The following MAGI2 variants were observed in gnomAD, a reference collection of about 807,000 sequenced individuals.
MAGI2 encodes membrane-associated guanylate kinase, WW and PDZ domain-containing protein 2.
A neutral mutation model predicts 133.3 loss-of-function variants in MAGI2; 35 were observed. That is an observed-to-expected ratio of 0.26 (90% CI 0.20 to 0.35). The LOEUF (loss-of-function observed/expected upper bound fraction) is 0.35. MAGI2 is among the 10% of genes least tolerant of loss of function. The pLI is 1.00. For synonymous variants in MAGI2, 729 were observed against 710.6 expected, an observed-to-expected ratio of 1.03 and a Z score of -0.41; for missense variants, 1,636 against 1,863.4, an observed-to-expected ratio of 0.88 and a Z score of 2.25.
chr7:79,024,617 G>T (rs547694541), intron 1 of MAGI2, among the ~76,000 whole-genome samples: 3 of 152,054 alleles, frequency 2.0e-5, no homozygotes, highest in Non-Finnish European at 4.4e-5. Flanking sequence ...ACCAACAAAA[G>T]TCTCATATCC....
intron 2 of MAGI2, among the ~76,000 whole-genome samples, chr7:78,983,406 C>T (rs972177357): frequency 2.0e-5 from 3 of 151,856 alleles, no homozygotes; most frequent in Non-Finnish European, 4.4e-5. Context: ...TTACTTCCTC[C>T]ATGTAAATCC....
intron 1 of MAGI2, among the ~76,000 whole-genome samples, chr7:79,117,521 G>A (rs1270868903): frequency 6.6e-6 from 1 of 151,940 alleles, no homozygotes; most frequent in African/African-American, 2.4e-5. Context: ...TTCATTTTTG[G>A]TATTTATTTC....
chr7:78,196,370 A>G (rs1319150733), intron 11 of MAGI2, among the ~76,000 whole-genome samples: 1 of 152,102 alleles, frequency 6.6e-6, no homozygotes, highest in Non-Finnish European at 1.5e-5. Flanking sequence ...TACTTGTTGT[A>G]TTACCAGTGC....
rs553489053 is a variant in MAGI2, at chr7:78,409,885, T to C, written c.1046-40672A>G. Among the ~76,000 whole-genome samples, 3 of 152,102 alleles carry C rather than the reference T, an allele frequency of 2.0e-5. No individual in the cohort carries two copies. In the South Asian group the frequency reaches 6.2e-4, roughly 31 times the overall value. The stretch of plus-strand genomic sequence containing the variant: ...AAATTTGTTATTCAATTAAACTCTT[T>C]TTCTGTCATATTAACAGGAAAATAA... On this transcript the variant is annotated intron_variant, in intron 6 of 21. Coordinates refer to ENST00000354212, the MANE Select transcript of MAGI2 (RefSeq NM_012301.4).
intron 1 of MAGI2, among the ~76,000 whole-genome samples, chr7:79,200,414 G>A (rs551528760): frequency 1.3e-4 from 19 of 150,564 alleles, no homozygotes; most frequent in African/African-American, 4.4e-4. Context: ...ACCAGCCTGG[G>A]CAACATGGCG....
intron 2 of MAGI2, among the ~76,000 whole-genome samples, chr7:78,920,812 A>C (rs1030349101): frequency 1.3e-5 from 2 of 152,170 alleles, no homozygotes; most frequent in Non-Finnish European, 2.9e-5. Context: ...GACGAACCAC[A>C]CCTGATCTAC....
chr7:79,198,340 T>C (rs1252891662), intron 1 of MAGI2, among the ~76,000 whole-genome samples: 5 of 151,714 alleles, frequency 3.3e-5, no homozygotes, highest in African/African-American at 2.4e-5. Flanking sequence ...TTTGCACAGG[T>C]TCCCTCTCCT....
intron 2 of MAGI2, among the ~76,000 whole-genome samples, chr7:78,912,542 A>T (rs1183908103): frequency 6.6e-6 from 1 of 151,764 alleles, no homozygotes; most frequent in African/African-American, 2.4e-5. Context: ...GAAAAGAGAG[A>T]TTGGCTTAGC....
At chr7:78,037,596 T>G (rs1476339802) in intron 21 of MAGI2, among the ~76,000 whole-genome samples, 1 of 152,226 alleles carries the variant, frequency 6.6e-6, no homozygotes, top group African/African-American at 2.4e-5. Context: ...ATAAGTTTTT[T>G]CATTGGAGCC....
chr7:78,901,457 A>C (rs1797615184), intron 2 of MAGI2: 1 of 152,208 alleles, frequency 6.6e-6, no homozygotes, highest in Non-Finnish European at 1.5e-5. Context: ...ATCCAATGTT[A>C]TTATCATTAT....
intron 6 of MAGI2, among the ~76,000 whole-genome samples, chr7:78,430,112 C>T (rs773373294): frequency 1.6e-4 from 24 of 152,076 alleles, no homozygotes; most frequent in Non-Finnish European, 7.4e-5. Context: ...ATTCCATATT[C>T]AGCATTCTGG....
chr7:78,294,169 T>A (rs1047769221), intron 9 of MAGI2, among the ~76,000 whole-genome samples: 3 of 152,164 alleles, frequency 2.0e-5, no homozygotes, highest in African/African-American at 7.2e-5. Context: ...TTTTAATTTT[T>A]TAGCACTGTT....
At position 78,018,278 on chromosome 7, in the gene MAGI2, T is replaced by C. The variant is rs1584841496; in HGVS notation, c.*1037A>G. 1.3e-5 allele frequency: 2 copies of C among 152,756 alleles called. No homozygotes were observed. The highest frequency in any genetic ancestry group is 3.9e-4 in the East Asian group (2 of 5,192). 9.5% of individuals were successfully genotyped at this position (152,756 alleles called of 1,614,324 possible). A position where few individuals can be genotyped will look rare whatever the true frequency, so the allele number is the denominator to read the frequency against. ...ATTGTAATTTTTTAATATTATAATC[T>C]GAGAAATATAAGACAAATACTCTGC... On this transcript the variant is annotated 3_prime_UTR_variant, in exon 22 of 22. Coordinates refer to ENST00000354212, the MANE Select transcript of MAGI2 (RefSeq NM_012301.4).
intron 2 of MAGI2, among the ~76,000 whole-genome samples, chr7:78,728,801 G>A (rs1441085023): frequency 6.7e-6 from 1 of 148,980 alleles, no homozygotes; most frequent in Non-Finnish European, 1.5e-5. Context: ...TCCTGACCTC[G>A]TGATCCGCCC....
At chr7:79,292,681 C>T (rs909246852) in intron 1 of MAGI2, among the ~76,000 whole-genome samples, 11 of 138,816 alleles carry the variant, frequency 7.9e-5, no homozygotes, top group African/African-American at 2.7e-4. Flanking sequence ...GAGGTACCCT[C>T]TATCTTTGTT....
At chr7:78,668,115 G>A (rs1813859211) in intron 2 of MAGI2, among the ~76,000 whole-genome samples, 1 of 152,140 alleles carries the variant, frequency 6.6e-6, no homozygotes, top group Admixed American at 6.6e-5. Flanking sequence ...TCTCATTGTG[G>A]TTTTGATTTG....
chr7:78,750,838 T>A (rs1177726419), intron 2 of MAGI2, among the ~76,000 whole-genome samples: 1 of 152,202 alleles, frequency 6.6e-6, no homozygotes, highest in Admixed American at 6.5e-5. Context: ...ACGACAGATA[T>A]AATGAAAAAC....
intron 2 of MAGI2, among the ~76,000 whole-genome samples, chr7:78,932,530 T>C (rs1225269082): frequency 6.6e-6 from 1 of 151,082 alleles, no homozygotes; most frequent in African/African-American, 2.4e-5. Context: ...AAACACTGCA[T>C]AAAGCTAAAA....
chr7:78,602,982 A>T (rs1376792723), intron 3 of MAGI2, among the ~76,000 whole-genome samples: 1 of 152,238 alleles, frequency 6.6e-6, no homozygotes, highest in African/African-American at 2.4e-5. Flanking sequence ...GGTGACTTTA[A>T]GAGAAATACG....
Sources: allele counts gnomAD v4.1 joint callset (sites outside exome capture counted in the v4.1 genomes callset), GRCh38; gene constraint gnomAD v4.1.1; transcripts MANE v1.5; gene names NCBI Gene and HGNC (gene_info 2026-07-23, HGNC 2026-07-21).